The following ITGB1BP1 variants were observed in gnomAD, a reference collection of about 807,000 sequenced individuals.
ITGB1BP1 encodes the protein integrin subunit beta 1 binding protein 1.
ITGB1BP1 carries 20 observed loss-of-function variants against 28.0 expected under a neutral mutation model. The observed-to-expected ratio is 0.71, with a 90% CI of 0.50 to 1.04. The LOEUF (loss-of-function observed/expected upper bound fraction) is 1.04, where lower values mean the gene tolerates loss of function less well. Ranked by LOEUF, ITGB1BP1 falls within the 50% of genes least tolerant of loss-of-function variation. ITGB1BP1 has a pLI of 0.00. For synonymous variants in ITGB1BP1, 103 were observed against 89.5 expected (o/e 1.15, Z -0.85); for missense variants, 228 against 242.5 (o/e 0.94, Z 0.40).
At chr2:9,407,315 T>C (rs1231361174) in intron 6 of ITGB1BP1, 134 bp downstream of exon 6, 7 of 1,020,094 alleles carry the variant, frequency 6.9e-6, no homozygotes, top group Non-Finnish European at 1.0e-5. Context: ...ACCTCCGGCC[T>C]AATATTCATT....
intron 6 of ITGB1BP1, 62 bp from the exon 7 acceptor site, chr2:9,406,967 G>C: frequency 8.1e-7 from 1 of 1,229,638 alleles, no homozygotes; most frequent in Non-Finnish European, 1.2e-6. Context: ...AACTTAATTT[G>C]GCTAGCAGAG....
chr2:9,408,289 C>T (rs1572684403), intron 4 of ITGB1BP1, 84 bp from the exon 5 acceptor site: 4 of 816,404 alleles, frequency 4.9e-6, no homozygotes, highest in Non-Finnish European at 8.5e-6. Context: ...AGTATCTGGC[C>T]ATCGCAAGCC....
At chr2:9,414,010 T>TCA (rs1678801128) in intron 3 of ITGB1BP1, among the ~76,000 whole-genome samples, 168 bp downstream of exon 3, 1 of 152,166 alleles carries the variant, frequency 6.6e-6, no homozygotes, top group Admixed American at 6.5e-5. Context: ...CACCACACCC[T>TCA]CAGCCCACGT....
chr2:9,410,422 TG>T (rs34563199), intron 4 of ITGB1BP1, among the ~76,000 whole-genome samples: 27 of 152,000 alleles, frequency 1.8e-4, no homozygotes, highest in Non-Finnish European at 2.8e-4. Flanking sequence ...TTTGTAGAGA[TG>T]GGGGTCTTGC....
At chr2:9,421,641 C>A (rs1392466781) in intron 1 of ITGB1BP1, among the ~76,000 whole-genome samples, 2 of 150,360 alleles carry the variant, frequency 1.3e-5, no homozygotes, top group Non-Finnish European at 2.9e-5. Flanking sequence ...GAGCCGAGAT[C>A]GCGCCACTGC....
At chr2:9,421,230 G>T (rs1387877598) in intron 1 of ITGB1BP1, among the ~76,000 whole-genome samples, 4 of 152,102 alleles carry the variant, frequency 2.6e-5, no homozygotes, top group African/African-American at 9.7e-5. Context: ...GAATCCTGAA[G>T]TGTCTCCTCA....
At chr2:9,407,291 T>A in intron 6 of ITGB1BP1, 158 bp downstream of exon 6, 1 of 780,010 alleles carries the variant, frequency 1.3e-6, no homozygotes, top group South Asian at 1.8e-5. Flanking sequence ...CTGCACTGTC[T>A]TGCCAGCCGG....
rs116578614 is a variant in ITGB1BP1, at chr2:9,416,467, G to C, written c.72+2159C>G. Among the ~76,000 whole-genome samples the C allele has an allele frequency of 3.0e-3, 454 of 152,210 alleles. 2 individuals are homozygous for C. The highest frequency in any genetic ancestry group is 0.011 in the African/African-American group (439 of 41,522). ...AAAGGAAAATGACTCAGGCTCCCAA[G>C]GAGAAGAGTCTGCCTCCAGCTGCCT... On this transcript the variant is annotated intron_variant, in intron 2 of 6. Coordinates refer to ENST00000355346, the MANE Select transcript of ITGB1BP1 (RefSeq NM_004763.5).
chr2:9,423,325 A>G, intron 1 of ITGB1BP1, 48 bp downstream of exon 1: 1 of 1,220,646 alleles, frequency 8.2e-7, no homozygotes, highest in Non-Finnish European at 1.0e-6. Context: ...TGTTCCCGTC[A>G]GGCCTCCGCG....
Position 9,406,618 on chromosome 2 carries a change from G to GT in ITGB1BP1, c.*215dup, listed in dbSNP as rs546318364. 5.8e-4 allele frequency: 324 copies of GT among 558,920 alleles called. 1 individual carries two copies. Among genetic ancestry groups the GT allele is most frequent in the African/African-American group, 4.1e-3 (215 of 52,664 alleles). 34.6% of individuals were successfully genotyped at this position (558,920 alleles called of 1,614,324 possible). A position where few individuals can be genotyped will look rare whatever the true frequency, so the allele number is the denominator to read the frequency against. Reference sequence around the variant, plus strand: ...TTAGAAGTTGAAAAAGACAAATGAAGTTTTTTAGCCCAGAAAATAGATGAC... The same window carrying GT: ...TTAGAAGTTGAAAAAGACAAATGAAGTTTTTTTAGCCCAGAAAATAGATGAC... On this transcript the variant is annotated 3_prime_UTR_variant, in exon 7 of 7. Coordinates refer to ENST00000355346, the MANE Select transcript of ITGB1BP1 (RefSeq NM_004763.5).
rs1253440803 is a variant in ITGB1BP1, at chr2:9,414,166, C to T, written c.151+12G>A. 6.2e-7 allele frequency: 1 copy of T among 1,609,246 alleles called. No homozygotes were observed. The highest frequency in any genetic ancestry group is 1.1e-5 in the South Asian group (1 of 90,932). On this transcript the variant is annotated intron_variant, in intron 3 of 6. Transcript: ENST00000355346. The stretch of plus-strand genomic sequence containing the variant: ...AAGCGCAGACAATCAATGATCCAAC[C>T]CTTTTATGTACCTGAGCTTTTGGTG...
chr2:9,404,427 C>G lies in ITGB1BP1; in HGVS notation c.*2407G>C, dbSNP rs1387107426. 1 of 152,200 alleles carries G rather than the reference C, an allele frequency of 6.6e-6. No individual in the cohort carries two copies. The highest frequency in any genetic ancestry group is 1.5e-5 in the Non-Finnish European group (1 of 68,040). The allele number at this position is 152,200 out of a possible 1,614,324, so 9.4% of individuals were successfully genotyped here. Reference sequence around the variant, plus strand: ...TACTGTTTCAGGCCATCATATCATTCTTAAGCTACTTGGGGTGGTAGTAGA... The same window carrying G: ...TACTGTTTCAGGCCATCATATCATTGTTAAGCTACTTGGGGTGGTAGTAGA... On this transcript the variant is annotated 3_prime_UTR_variant, in exon 7 of 7. Transcript: ENST00000355346.
intron 1 of ITGB1BP1, among the ~76,000 whole-genome samples, chr2:9,419,328 A>C (rs1360426249): frequency 6.6e-6 from 1 of 152,202 alleles, no homozygotes; most frequent in Non-Finnish European, 1.5e-5. Flanking sequence ...CAATTGAGTC[A>C]AGATTTTAGC....
intron 1 of ITGB1BP1, among the ~76,000 whole-genome samples, chr2:9,420,506 C>T (rs575545974): frequency 6.6e-6 from 1 of 152,252 alleles, no homozygotes; most frequent in South Asian, 2.1e-4. Flanking sequence ...AAAACTAACA[C>T]AAGTTGAGGA....
At chr2:9,417,427 C>CT (rs887595071) in intron 2 of ITGB1BP1, among the ~76,000 whole-genome samples, 25 of 148,438 alleles carry the variant, frequency 1.7e-4, no homozygotes, top group South Asian at 8.6e-4. Context: ...CTTTTCTTTT[C>CT]TTTTTTTTTT....
Position 9,404,593 on chromosome 2 carries a change from A to G in ITGB1BP1, c.*2241T>C, listed in dbSNP as rs577141570. Reference sequence around the variant, plus strand: ...CACTCTGAGAATAAATAGGCATATGATACCCACTTGGACTTTTAACAAAAG... The same window carrying G: ...CACTCTGAGAATAAATAGGCATATGGTACCCACTTGGACTTTTAACAAAAG... On this transcript the variant is annotated 3_prime_UTR_variant, in exon 7 of 7. Coordinates refer to ENST00000355346, the MANE Select transcript of ITGB1BP1 (RefSeq NM_004763.5). 1 of 152,678 alleles carries G rather than the reference A, an allele frequency of 6.5e-6. No individual in the cohort carries two copies. The highest frequency in any genetic ancestry group is 1.9e-4 in the East Asian group (1 of 5,194). The allele number at this position is 152,678 out of a possible 1,614,324, so 9.5% of individuals were successfully genotyped here.
At chr2:9,421,604 G>A (rs1160556969) in intron 1 of ITGB1BP1, among the ~76,000 whole-genome samples, 1 of 151,440 alleles carries the variant, frequency 6.6e-6, no homozygotes, top group Non-Finnish European at 1.5e-5. Flanking sequence ...GGAGAATGGC[G>A]TGAACCCGGG....
At position 9,404,924 on chromosome 2, in the gene ITGB1BP1, T is replaced by C. The variant is rs1161116898; in HGVS notation, c.*1910A>G. On this transcript the variant is annotated 3_prime_UTR_variant, in exon 7 of 7. Transcript: ENST00000355346. Reference sequence around the variant, plus strand: ...GCACTACATCTGTTTTCACTAATTGTTAATTTCTGTTTGAACCCTTCATTT... The same window carrying C: ...GCACTACATCTGTTTTCACTAATTGCTAATTTCTGTTTGAACCCTTCATTT... The C allele has an allele frequency of 6.6e-6, 1 of 152,628 alleles. No individual in the cohort carries two copies. Among genetic ancestry groups the C allele is most frequent in the African/African-American group, 2.4e-5 (1 of 41,462 alleles). 9.5% of individuals were successfully genotyped at this position (152,628 alleles called of 1,614,324 possible).
At position 9,406,814 on chromosome 2, in the gene ITGB1BP1, C is replaced by T; in HGVS notation, c.*20G>A. 1.2e-5 allele frequency: 18 copies of T among 1,555,586 alleles called. No homozygotes were observed. The highest frequency in any genetic ancestry group is 1.6e-5 in the Non-Finnish European group (18 of 1,126,516). Reference sequence around the variant, plus strand: ...CAGCTGAACTTTCAGATGAAGTTGACTTCTACTTGATTGCAGGATTCAGGG... The same window carrying T: ...CAGCTGAACTTTCAGATGAAGTTGATTTCTACTTGATTGCAGGATTCAGGG... On this transcript the variant is annotated 3_prime_UTR_variant, in exon 7 of 7. Coordinates refer to ENST00000355346, the MANE Select transcript of ITGB1BP1 (RefSeq NM_004763.5).
Sources: gnomAD v4.1 joint callset for allele counts (sites outside exome capture counted in the v4.1 genomes callset) on GRCh38, gnomAD v4.1.1 for gene constraint, MANE v1.5 for transcripts, NCBI Gene and HGNC (gene_info 2026-07-23, HGNC 2026-07-21) for gene names.